Variants in SLC24A2 observed in about 807,000 individuals in gnomAD.
SLC24A2 encodes sodium/potassium/calcium exchanger 2.
Under a neutral mutation model 62.0 loss-of-function variants are expected in SLC24A2, and 36 were observed. The observed-to-expected ratio is 0.58, with a 90% CI of 0.44 to 0.77. The LOEUF is 0.77. SLC24A2 is among the 30% of genes least tolerant of loss of function. The pLI is 0.00. For missense variants in SLC24A2, 846 were observed against 817.9 expected (o/e 1.03, Z -0.42); for synonymous variants, 358 against 294.0 (o/e 1.22, Z -2.23).
In SLC24A2 at chr9:19,510,944, G is replaced by A. The variant is rs993605635; in HGVS notation, c.*5209C>T. ...AAATCTGTCCCTAGCCATATTAAGG[G>A]CCTCTGTGGAGTTTGGGTGGTTCTG... On this transcript the variant is annotated 3_prime_UTR_variant, in exon 11 of 11. Coordinates refer to ENST00000341998, the MANE Select transcript of SLC24A2 (RefSeq NM_020344.4). 1 of 152,202 alleles carries A rather than the reference G, an allele frequency of 6.6e-6. No individual in the cohort carries two copies. Among genetic ancestry groups the A allele is most frequent in the African/African-American group, 2.4e-5 (1 of 41,436 alleles). The allele number at this position is 152,202 out of a possible 1,614,324, so 9.4% of individuals were successfully genotyped here. A position where few individuals can be genotyped will look rare whatever the true frequency, so the allele number is the denominator to read the frequency against.
chr9:19,696,740 A>G (rs1001682430), intron 2 of SLC24A2, among the ~76,000 whole-genome samples: 1 of 152,232 alleles, frequency 6.6e-6, no homozygotes, highest in Non-Finnish European at 1.5e-5. Context: ...CCACAAACAT[A>G]GCACTTCTAA....
chr9:19,963,488 C>A, the SLC24A2 span, among the ~76,000 whole-genome samples: 10 of 151,412 alleles, frequency 6.6e-5, no homozygotes, highest in African/African-American at 2.4e-4. Context: ...GGGCTAATAT[C>A]CAGAATCTAC....
At chr9:20,132,385 A>G in the SLC24A2 span, among the ~76,000 whole-genome samples, 1 of 152,148 alleles carries the variant, frequency 6.6e-6, no homozygotes, top group African/African-American at 2.4e-5. Flanking sequence ...CCACTATTGC[A>G]TCAAGAAATG....
chr9:19,820,693 T>A, the SLC24A2 span, among the ~76,000 whole-genome samples: 1 of 152,102 alleles, frequency 6.6e-6, no homozygotes, highest in South Asian at 2.1e-4. Context: ...TGTGTGTGTG[T>A]GTGTATTTGT....
chr9:19,608,793 T>TACACACAC (rs111384476), intron 4 of SLC24A2, among the ~76,000 whole-genome samples: 6 of 145,896 alleles, frequency 4.1e-5, no homozygotes, highest in African/African-American at 1.5e-4. Context: ...CACACACACA[T>TACACACAC]ACACACACAC....
At chr9:19,986,026 T>C in the SLC24A2 span, among the ~76,000 whole-genome samples, 1 of 152,138 alleles carries the variant, frequency 6.6e-6, no homozygotes, top group Non-Finnish European at 1.5e-5. Context: ...AAATCATATA[T>C]CTGATAAGGG....
chr9:19,839,646 C>T, the SLC24A2 span, among the ~76,000 whole-genome samples: 1 of 152,064 alleles, frequency 6.6e-6, no homozygotes. Context: ...GGAGGAAGAT[C>T]ATGAAATTTA....
intron 9 of SLC24A2, among the ~76,000 whole-genome samples, chr9:19,521,312 A>G (rs1833187829): frequency 6.6e-6 from 1 of 152,248 alleles, no homozygotes; most frequent in South Asian, 2.1e-4. Context: ...CTAGAGGGCT[A>G]GAGTGTAGCC....
At chr9:20,119,981 C>G in the SLC24A2 span, among the ~76,000 whole-genome samples, 111 of 152,122 alleles carry the variant, frequency 7.3e-4, no homozygotes, top group Admixed American at 9.2e-4. Context: ...TCTCACTGGG[C>G]TGAGATCAAG....
intron 2 of SLC24A2, among the ~76,000 whole-genome samples, chr9:19,634,157 T>C (rs898040908): frequency 6.6e-6 from 1 of 152,070 alleles, no homozygotes; most frequent in African/African-American, 2.4e-5. Flanking sequence ...TGGATGCAAA[T>C]ATACCCATTT....
chr9:19,543,279 C>T lies in SLC24A2; in HGVS notation c.1479+6858G>A, dbSNP rs183916228. 7.8e-4 allele frequency among the ~76,000 whole-genome samples: 118 copies of T among 152,190 alleles called. 2 individuals are homozygous for T. In the East Asian group the frequency reaches 0.021, roughly 27 times the overall value. On this transcript the variant is annotated intron_variant, in intron 8 of 10. Transcript: ENST00000341998. ...TCTGTGGGATCAGTGGTGATATCCC[C>T]TTTATCATTTTTTATTGCATCCATT...
chr9:20,218,635 CT>C, the SLC24A2 span, among the ~76,000 whole-genome samples: 1 of 152,164 alleles, frequency 6.6e-6, no homozygotes, highest in Non-Finnish European at 1.5e-5. Context: ...CTGTGAAGTT[CT>C]AGTTCTGATG....
At chr9:20,280,994 A>G in the SLC24A2 span, among the ~76,000 whole-genome samples, 1 of 152,284 alleles carries the variant, frequency 6.6e-6, no homozygotes, top group Non-Finnish European at 1.5e-5. Flanking sequence ...CAGTGGCACT[A>G]TCTTGGCTCA....
the SLC24A2 span, among the ~76,000 whole-genome samples, chr9:19,905,026 A>G: frequency 1.3e-5 from 2 of 152,304 alleles, no homozygotes; most frequent in East Asian, 3.9e-4. Context: ...AAGTCTTGAA[A>G]ATTAGATTTT....
At chr9:19,778,575 T>C (rs558136113) in intron 2 of SLC24A2, among the ~76,000 whole-genome samples, 10 of 152,312 alleles carry the variant, frequency 6.6e-5, no homozygotes, top group Admixed American at 5.2e-4. Flanking sequence ...CCCTTAAGAA[T>C]TTTTAAGCAC....
At chr9:19,967,861 T>C in the SLC24A2 span, 1 of 152,320 alleles carries the variant, frequency 6.6e-6, no homozygotes, top group South Asian at 2.1e-4. Context: ...GGCATGGAAA[T>C]TTTGGGTTGA....
In SLC24A2 at chr9:19,716,861, A is replaced by C. The variant is rs146216148; in HGVS notation, c.930+69076T>G. On this transcript the variant is annotated intron_variant, in intron 2 of 10. Coordinates refer to ENST00000341998, the MANE Select transcript of SLC24A2 (RefSeq NM_020344.4). ...TGAATGCTTTCAGTCTGGTCCATCA[A>C]TGGCACTACTATAATCTCTGAGTTT... 3.3e-5 allele frequency among the ~76,000 whole-genome samples: 5 copies of C among 152,136 alleles called. No individual in the cohort carries two copies. The East Asian group carries it at 9.6e-4, about 29-fold the overall frequency.
the SLC24A2 span, among the ~76,000 whole-genome samples, chr9:20,284,722 C>T: frequency 6.6e-6 from 1 of 152,086 alleles, no homozygotes; most frequent in Admixed American, 6.6e-5. Context: ...CACAATAAAG[C>T]ACCATTCAAT....
the SLC24A2 span, among the ~76,000 whole-genome samples, chr9:19,930,943 G>A: frequency 6.6e-6 from 1 of 152,172 alleles, no homozygotes; most frequent in African/African-American, 2.4e-5. Context: ...AATTGGTCAA[G>A]CATAGATTAC....
Sources: allele counts gnomAD v4.1 joint callset (sites outside exome capture counted in the v4.1 genomes callset), GRCh38; gene constraint gnomAD v4.1.1; transcripts MANE v1.5; gene names NCBI Gene and HGNC (gene_info 2026-07-23, HGNC 2026-07-21).